The following LRBA variants were observed in gnomAD, a reference collection of about 807,000 sequenced individuals.
LRBA encodes LPS responsive beige-like anchor protein, also known as lipopolysaccharide-responsive and beige-like anchor protein.
A neutral mutation model predicts 330.0 loss-of-function variants in LRBA; 176 were observed. That is an observed-to-expected ratio of 0.53 (90% CI 0.47 to 0.60). LRBA has a LOEUF of 0.60. Among genes scored for constraint, LRBA ranks in the 20% least tolerant of loss-of-function variants. The pLI, the probability that LRBA is intolerant of heterozygous loss-of-function variation, is 0.00. For synonymous variants in LRBA, 1,230 were observed against 1,193.0 expected (o/e 1.03, Z -0.64); for missense variants, 3,259 against 3,444.8 (o/e 0.95, Z 1.35).
chr4:150,706,925 A>G (rs1007512166), intron 36 of LRBA, among the ~76,000 whole-genome samples: 1 of 151,808 alleles, frequency 6.6e-6, no homozygotes, highest in Non-Finnish European at 1.5e-5. Flanking sequence ...GCAAGTGACA[A>G]AAGTCCAAAT....
At chr4:150,662,333 C>T (rs1367886460) in intron 37 of LRBA, among the ~76,000 whole-genome samples, 2 of 152,094 alleles carry the variant, frequency 1.3e-5, no homozygotes, top group East Asian at 1.9e-4. Flanking sequence ...AATGTCAGTA[C>T]GAGAAGGATA....
intron 47 of LRBA, among the ~76,000 whole-genome samples, chr4:150,373,164 T>TGA (rs1561082920): frequency 8.1e-5 from 11 of 135,118 alleles, no homozygotes; most frequent in African/African-American, 2.2e-4. Context: ...TGTGTGTGTG[T>TGA]GTGTGTGTGA....
intron 40 of LRBA, among the ~76,000 whole-genome samples, chr4:150,500,815 C>A (rs928571058): frequency 6.6e-6 from 1 of 152,040 alleles, no homozygotes; most frequent in Non-Finnish European, 1.5e-5. Flanking sequence ...AAATGAAAAG[C>A]AAAATGGAAA....
At chr4:150,764,090 C>T (rs547656335) in intron 34 of LRBA, among the ~76,000 whole-genome samples, 43 of 151,936 alleles carry the variant, frequency 2.8e-4, no homozygotes, top group African/African-American at 9.9e-4. Context: ...GATCATTTAA[C>T]TTACAGAAAA....
At chr4:150,721,074 G>A in intron 36 of LRBA, 1 of 573,460 alleles carries the variant, frequency 1.7e-6, no homozygotes, top group Non-Finnish European at 3.5e-6. Flanking sequence ...TAGGAATTAT[G>A]AGTATTTGGA....
intron 37 of LRBA, among the ~76,000 whole-genome samples, chr4:150,627,999 T>C (rs1171728204): frequency 6.6e-6 from 1 of 152,164 alleles, no homozygotes; most frequent in Non-Finnish European, 1.5e-5. Flanking sequence ...AGGATTAAGA[T>C]CTATTTCCTT....
chr4:150,423,391 C>A, intron 46 of LRBA: 1 of 645,036 alleles, frequency 1.6e-6, no homozygotes, highest in South Asian at 1.9e-5. Context: ...TGCTTTGAGT[C>A]CACAGTCCCT....
chr4:150,952,798 G>C (rs929390599), intron 2 of LRBA, among the ~76,000 whole-genome samples: 13 of 152,168 alleles, frequency 8.5e-5, no homozygotes, highest in African/African-American at 3.1e-4. Flanking sequence ...GTGTATGCAT[G>C]AATGTCTTCC....
At chr4:150,443,725 A>G (rs1207964855) in intron 44 of LRBA, among the ~76,000 whole-genome samples, 1 of 151,898 alleles carries the variant, frequency 6.6e-6, no homozygotes, top group Non-Finnish European at 1.5e-5. Context: ...GAGGGATAGC[A>G]TTAGAAGATA....
chr4:150,669,510 T>G (rs1249199413), intron 37 of LRBA, among the ~76,000 whole-genome samples: 1 of 152,128 alleles, frequency 6.6e-6, no homozygotes, highest in East Asian at 1.9e-4. Context: ...GAACTTTATA[T>G]TTTTGGAGAC....
At chr4:150,841,004 C>G in intron 28 of LRBA, 1 of 1,257,626 alleles carries the variant, frequency 8.0e-7, no homozygotes. Flanking sequence ...GATCCGTGAT[C>G]TGACAAAATC....
chr4:150,585,624 G>A (rs943034050), intron 40 of LRBA, among the ~76,000 whole-genome samples: 1 of 152,140 alleles, frequency 6.6e-6, no homozygotes, highest in Non-Finnish European at 1.5e-5. Context: ...TATGTTGAAG[G>A]TAACTATATA....
At chr4:150,400,470 A>G (rs1398413831) in intron 47 of LRBA, among the ~76,000 whole-genome samples, 1 of 152,204 alleles carries the variant, frequency 6.6e-6, no homozygotes, top group African/African-American at 2.4e-5. Flanking sequence ...TCCATTATAT[A>G]TTATTCTCTG....
At chr4:150,373,978 A>G (rs562614678) in intron 47 of LRBA, among the ~76,000 whole-genome samples, 8 of 152,066 alleles carry the variant, frequency 5.3e-5, no homozygotes, top group Non-Finnish European at 8.8e-5. Context: ...CTGCTACCTA[A>G]AAAGAATTTA....
intron 34 of LRBA, among the ~76,000 whole-genome samples, chr4:150,772,033 C>T (rs1366660324): frequency 1.3e-5 from 2 of 152,128 alleles, no homozygotes; most frequent in African/African-American, 4.8e-5. Flanking sequence ...TTTTTGTCAA[C>T]AATTTTCTAC....
intron 4 of LRBA, among the ~76,000 whole-genome samples, chr4:150,924,721 ATAAC>A (rs1320232072): frequency 1.3e-5 from 2 of 152,238 alleles, no homozygotes; most frequent in Non-Finnish European, 2.9e-5. Flanking sequence ...CTAATATTAA[ATAAC>A]TAAATAAACG....
chr4:150,523,910 T>C (rs1763187676), intron 40 of LRBA, among the ~76,000 whole-genome samples: 1 of 152,124 alleles, frequency 6.6e-6, no homozygotes, highest in Non-Finnish European at 1.5e-5. Context: ...TAATGATGTT[T>C]CTCCTGGATT....
chr4:150,489,575 GAATATATAATATATTATATAAGAATATAT>G (rs1192435376), intron 41 of LRBA, among the ~76,000 whole-genome samples: 3 of 69,096 alleles, frequency 4.3e-5, no homozygotes, highest in South Asian at 4.9e-4. Context: ...TTATATATAA[GAATATATAATATATTATATAAGAATATAT>G]AATATATAAT....
chr4:150,558,610 A>T (rs1251111204), intron 40 of LRBA, among the ~76,000 whole-genome samples: 1 of 152,090 alleles, frequency 6.6e-6, no homozygotes, highest in Non-Finnish European at 1.5e-5. Context: ...TTCTCTGGGG[A>T]GTCCTGGGTT....
Sources: allele counts gnomAD v4.1 joint callset (sites outside exome capture counted in the v4.1 genomes callset), GRCh38; gene constraint gnomAD v4.1.1; transcripts MANE v1.5; gene names NCBI Gene and HGNC (gene_info 2026-07-23, HGNC 2026-07-21).